The following PHF14 variants were observed in gnomAD, a reference collection of about 807,000 sequenced individuals.
PHF14 encodes the protein PHD finger protein 14.
A neutral mutation model predicts 117.9 loss-of-function variants in PHF14; 55 were observed. That is an observed-to-expected ratio of 0.47 (90% CI 0.38 to 0.58). The LOEUF (loss-of-function observed/expected upper bound fraction) is 0.58, where lower values mean the gene tolerates loss of function less well. PHF14 is among the 20% of genes least tolerant of loss of function. The probability of loss-of-function intolerance (pLI) is 0.00; values close to 1 mark genes in which losing one functional copy is unlikely to be tolerated. For missense variants in PHF14, 978 were observed against 1,122.2 expected (o/e 0.87, Z 1.84); for synonymous variants, 409 against 368.6 (o/e 1.11, Z -1.26).
At chr7:11,102,369 C>A in intron 16 of PHF14, 1 of 1,063,880 alleles carries the variant, frequency 9.4e-7, no homozygotes, top group Non-Finnish European at 1.4e-6. Context: ...TCTCTTTGGA[C>A]CAGATCATAT....
chr7:10,981,368 C>T (rs1782039177), intron 2 of PHF14, among the ~76,000 whole-genome samples: 1 of 152,156 alleles, frequency 6.6e-6, no homozygotes, highest in Non-Finnish European at 1.5e-5. Context: ...TTCCCTCCTC[C>T]CATTTATTTC....
At chr7:11,058,567 AGTATG>A (rs1785099101) in intron 14 of PHF14, among the ~76,000 whole-genome samples, 1 of 152,220 alleles carries the variant, frequency 6.6e-6, no homozygotes, top group African/African-American at 2.4e-5. Flanking sequence ...GAATCAAGTT[AGTATG>A]TAGTATGGAG....
At chr7:11,082,462 T>C (rs935069703) in intron 16 of PHF14, among the ~76,000 whole-genome samples, 1 of 152,226 alleles carries the variant, frequency 6.6e-6, no homozygotes, top group Non-Finnish European at 1.5e-5. Context: ...AATTTATAAA[T>C]TTTCTTCCCT....
At chr7:11,006,791 G>A in intron 4 of PHF14, 1 of 803,282 alleles carries the variant, frequency 1.2e-6, no homozygotes, top group South Asian at 1.3e-5. Flanking sequence ...TTTCAACACT[G>A]CCTTCTTGGC....
At chr7:11,118,766 T>A (rs1787669798) in intron 17 of PHF14, among the ~76,000 whole-genome samples, 1 of 151,866 alleles carries the variant, frequency 6.6e-6, no homozygotes, top group Non-Finnish European at 1.5e-5. Flanking sequence ...TTGATCTGTT[T>A]GGTTCTTTAA....
In PHF14 at chr7:11,051,717, AC is replaced by A; in HGVS notation, c.2420del (p.Pro807GlnfsTer2). On this transcript the variant is annotated frameshift_variant, in exon 14 of 18. Coordinates refer to ENST00000634607, the MANE Select transcript of PHF14 (RefSeq NM_001007157.2). LOFTEE classifies it high-confidence loss of function. Reference sequence around the variant, plus strand: ...AACGATCAAGGAGGCAGATTAAGGAACCAGTGAAATTTGTTCCACAGGATGT... The same window carrying A: ...AACGATCAAGGAGGCAGATTAAGGAACAGTGAAATTTGTTCCACAGGATGT... Reference protein sequence around the residue: ...TKRSRRQIKEPVKFVPQDVPP... With the variant: ...TKRSRRQIKEXVKFVPQDVPP... 1 of 1,613,688 alleles carries A rather than the reference AC, an allele frequency of 6.2e-7. No individual in the cohort carries two copies. The highest frequency in any genetic ancestry group is 8.5e-7 in the Non-Finnish European group (1 of 1,179,674).
intron 17 of PHF14, among the ~76,000 whole-genome samples, chr7:11,136,010 A>G (rs1306980989): frequency 6.6e-6 from 1 of 152,200 alleles, no homozygotes; most frequent in Non-Finnish European, 1.5e-5. Flanking sequence ...AGAGAAGAAA[A>G]TGTAGAAAAA....
intron 16 of PHF14, among the ~76,000 whole-genome samples, chr7:11,068,349 C>CAAA (rs10659513): frequency 0.011 from 718 of 66,428 alleles, 31 homozygotes; most frequent in East Asian, 0.031. Flanking sequence ...GACTCCGTCT[C>CAAA]AAAAAAAAAA....
intron 2 of PHF14, among the ~76,000 whole-genome samples, chr7:10,981,138 T>C (rs2128307880): frequency 1.3e-5 from 2 of 152,314 alleles, no homozygotes; most frequent in African/African-American, 4.8e-5. Flanking sequence ...AGATACTAAT[T>C]ACAGACAGCT....
chr7:11,012,259 G>A (rs926365331), intron 4 of PHF14, among the ~76,000 whole-genome samples: 3 of 152,012 alleles, frequency 2.0e-5, no homozygotes, highest in Admixed American at 6.6e-5. Context: ...AAAAATTTTA[G>A]GCAGATCTGG....
At chr7:11,087,380 C>T (rs552120531) in intron 16 of PHF14, among the ~76,000 whole-genome samples, 29 of 151,952 alleles carry the variant, frequency 1.9e-4, no homozygotes, top group Admixed American at 3.3e-4. Context: ...TTAGTAGAGA[C>T]GGGGTATCAC....
At chr7:11,003,512 C>T (rs961783690) in intron 4 of PHF14, among the ~76,000 whole-genome samples, 4 of 152,036 alleles carry the variant, frequency 2.6e-5, no homozygotes, top group African/African-American at 9.7e-5. Flanking sequence ...TTCAGGTATA[C>T]AATATGTTGT....
chr7:10,977,611 A>G (rs1399736251), intron 2 of PHF14, among the ~76,000 whole-genome samples: 1 of 152,190 alleles, frequency 6.6e-6, no homozygotes, highest in African/African-American at 2.4e-5. Context: ...AACTGAAGAT[A>G]GTTTATATTT....
chr7:11,002,213 A>G (rs2128313287), intron 4 of PHF14, among the ~76,000 whole-genome samples: 1 of 152,066 alleles, frequency 6.6e-6, no homozygotes, highest in East Asian at 1.9e-4. Flanking sequence ...TTCCTCATGC[A>G]GGAGATGGGA....
intron 17 of PHF14, among the ~76,000 whole-genome samples, chr7:11,153,354 C>CT (rs1788752982): frequency 6.6e-6 from 1 of 152,118 alleles, no homozygotes; most frequent in African/African-American, 2.4e-5. Flanking sequence ...GTTTGAACAA[C>CT]TGAGTCTTAT....
Position 11,127,891 on chromosome 7 carries a change from A to AT in PHF14, c.2772+16434dup, listed in dbSNP as rs368026676. Among the ~76,000 whole-genome samples the AT allele has an allele frequency of 3.0e-3, 451 of 150,882 alleles. 2 individuals are homozygous for AT. Among genetic ancestry groups the AT allele is most frequent in the South Asian group, 0.025 (121 of 4,784 alleles). ...TCCTATCACCATGACTTAAATCATG[A>AT]TTTTTTTTTTCATAATTATCACTTC... On this transcript the variant is annotated intron_variant, in intron 17 of 17. Transcript: ENST00000634607.
intron 16 of PHF14, among the ~76,000 whole-genome samples, chr7:11,094,401 T>C (rs1195214195): frequency 1.3e-5 from 2 of 152,210 alleles, no homozygotes; most frequent in Non-Finnish European, 2.9e-5. Flanking sequence ...CCTTGGTTCA[T>C]GACCCCCAAC....
At chr7:11,152,346 TC>T in intron 17 of PHF14, among the ~76,000 whole-genome samples, 1 of 152,278 alleles carries the variant, frequency 6.6e-6, no homozygotes, top group South Asian at 2.1e-4. Context: ...CAAGGGCAGT[TC>T]CTGAGTGTCA....
At chr7:11,057,794 A>G (rs1785069524) in intron 14 of PHF14, among the ~76,000 whole-genome samples, 1 of 152,164 alleles carries the variant, frequency 6.6e-6, no homozygotes, top group South Asian at 2.1e-4. Flanking sequence ...CCTCTTTTCA[A>G]GTAAGTTGAT....
Sources: allele counts gnomAD v4.1 joint callset (sites outside exome capture counted in the v4.1 genomes callset), GRCh38; gene constraint gnomAD v4.1.1; transcripts MANE v1.5; gene names NCBI Gene and HGNC (gene_info 2026-07-23, HGNC 2026-07-21).